Variants in ATP6V0A1 observed in about 807,000 individuals in gnomAD.
ATP6V0A1 encodes the protein V-type proton ATPase 116 kDa subunit a 1.
Under a neutral mutation model 105.4 loss-of-function variants are expected in ATP6V0A1, and 43 were observed. That is an observed-to-expected ratio of 0.41 (90% CI 0.32 to 0.53). ATP6V0A1 has a LOEUF of 0.53. Among genes scored for constraint, ATP6V0A1 ranks in the 20% least tolerant of loss-of-function variants. The pLI is 0.30. For synonymous variants in ATP6V0A1, 362 were observed against 372.8 expected (o/e 0.97, Z 0.33); for missense variants, 676 against 1,051.1 (o/e 0.64, Z 4.93).
intron 8 of ATP6V0A1, 31 bp from the exon 9 acceptor site, chr17:42,483,007 G>A: frequency 7.3e-7 from 1 of 1,376,796 alleles, no homozygotes; most frequent in South Asian, 1.8e-5. Flanking sequence ...AATTAGATAA[G>A]TTAAGAAACT....
intron 9 of ATP6V0A1, among the ~76,000 whole-genome samples, chr17:42,484,352 C>T (rs556484077): frequency 5.9e-5 from 9 of 152,106 alleles, no homozygotes; most frequent in East Asian, 1.9e-4. Flanking sequence ...CCACCGCGCC[C>T]GGCTGATAGT....
intron 2 of ATP6V0A1, among the ~76,000 whole-genome samples, chr17:42,464,745 A>G (rs575414451): frequency 9.2e-5 from 14 of 152,156 alleles, no homozygotes; most frequent in Non-Finnish European, 2.1e-4. Context: ...TATAATATAT[A>G]TACACACATA....
At position 42,462,753 on chromosome 17, in the gene ATP6V0A1, T is replaced by A. The variant is rs565826234; in HGVS notation, c.117+1742T>A. Among the ~76,000 whole-genome samples, 5 of 148,678 alleles carry A rather than the reference T, an allele frequency of 3.4e-5. No individual in the cohort carries two copies. The East Asian group carries it at 9.7e-4, about 29-fold the overall frequency. ...TTTCAGTTTCTTCTAGTTCTGTTAA[T>A]TTTTTTTTAATAATAAAATTTATAA... On this transcript the variant is annotated intron_variant, in intron 2 of 21. Coordinates refer to ENST00000343619, the MANE Select transcript of ATP6V0A1 (RefSeq NM_001130021.3).
rs547280952 is a variant in ATP6V0A1 at position 42,485,471 on chromosome 17, G to A, written c.811-1684G>A. Among the ~76,000 whole-genome samples, 4 of 152,310 alleles carry A rather than the reference G, an allele frequency of 2.6e-5. No homozygotes were observed. In the South Asian group the frequency reaches 8.3e-4, roughly 32 times the overall value. On this transcript the variant is annotated intron_variant, in intron 9 of 21. Transcript: ENST00000343619. ...AGGAATGGGATGAGGAAAGAGAACG[G>A]CAAATAGAACATTGCTTGCTAGTTT... is the stretch of plus-strand genomic sequence containing the variant.
intron 11 of ATP6V0A1, 38 bp downstream of exon 11, chr17:42,490,675 T>G (rs2090537039): frequency 6.4e-7 from 1 of 1,557,386 alleles, no homozygotes; most frequent in Non-Finnish European, 8.6e-7. Flanking sequence ...TCTAGAGTTT[T>G]TTTTGTTTGT....
intron 4 of ATP6V0A1, among the ~76,000 whole-genome samples, chr17:42,469,553 C>T (rs1223710920): frequency 6.6e-6 from 1 of 151,898 alleles, no homozygotes; most frequent in Non-Finnish European, 1.5e-5. Flanking sequence ...CCAGGCTGGT[C>T]TTGAACTCCT....
At chr17:42,473,215 G>A (rs1347330210) in intron 5 of ATP6V0A1, among the ~76,000 whole-genome samples, 2 of 152,206 alleles carry the variant, frequency 1.3e-5, no homozygotes, top group Non-Finnish European at 2.9e-5. Flanking sequence ...CATCACGTTA[G>A]AGGGTGTGGG....
At chr17:42,505,560 G>A (rs898283236) in intron 17 of ATP6V0A1, among the ~76,000 whole-genome samples, 6 of 152,018 alleles carry the variant, frequency 3.9e-5, no homozygotes, top group African/African-American at 7.2e-5. Flanking sequence ...GGCTGGTCTC[G>A]AACTCCTGAC....
chr17:42,478,488 G>C lies in ATP6V0A1; in HGVS notation c.532G>C (p.Glu178Gln), dbSNP rs1447615804. The C allele has an allele frequency of 1.2e-6, 2 of 1,608,936 alleles. No individual in the cohort carries two copies. The highest frequency in any genetic ancestry group is 2.2e-5 in the East Asian group (1 of 44,500). The change falls in exon 7 of 22, where the codon GAG becomes CAG. Residue 178 changes from glutamate to glutamine, a missense_variant. Physicochemically the swap from Glu to Gln is conservative, Grantham distance 29. This residue lies in a region of ATP6V0A1 where 239 missense variants were observed against 388.4 expected (regional missense o/e 0.62). Coordinates refer to ENST00000343619, the MANE Select transcript of ATP6V0A1 (RefSeq NM_001130021.3). ...CTTCGTGGCTGGTGTCATTAACCGG[G>C]AGCGCATCCCTACTTTTGAGCGCAT... ...LGFVAGVINR[E>Q]RIPTFERMLW...
At chr17:42,484,871 A>G in intron 9 of ATP6V0A1, among the ~76,000 whole-genome samples, 1 of 135,112 alleles carries the variant, frequency 7.4e-6, no homozygotes, top group African/African-American at 2.8e-5. Context: ...TTTTTTTGAG[A>G]CAGAGTCTTG....
chr17:42,459,720 C>G (rs1226697131), intron 1 of ATP6V0A1, among the ~76,000 whole-genome samples: 1 of 152,186 alleles, frequency 6.6e-6, no homozygotes, highest in African/African-American at 2.4e-5. Context: ...TGTACAGAAT[C>G]TTAAAGTCAG....
chr17:42,464,965 T>G (rs2086864450), intron 2 of ATP6V0A1, among the ~76,000 whole-genome samples: 1 of 152,044 alleles, frequency 6.6e-6, no homozygotes, highest in Non-Finnish European at 1.5e-5. Context: ...TCTATTAGAT[T>G]GCAAGCTTTT....
chr17:42,503,567 ATCT>A (rs1443025478), intron 17 of ATP6V0A1, among the ~76,000 whole-genome samples: 3 of 152,236 alleles, frequency 2.0e-5, no homozygotes, highest in East Asian at 1.9e-4. Context: ...TTTAAACAAA[ATCT>A]TACAATGCAC....
chr17:42,481,077 A>G (rs961103129), intron 8 of ATP6V0A1: 19 of 172,336 alleles, frequency 1.1e-4, no homozygotes, highest in East Asian at 3.3e-4. Context: ...GTGTGCCACC[A>G]TACCTGGCTA....
rs780479259 is a variant in ATP6V0A1, at chr17:42,507,619, G to A, written c.2104G>A (p.Ala702Thr). ...CCAGCTCTCCACCCACTCAGAGGAC[G>A]CAGACGAGGTAAGATCCCGTGGTGT... Reference protein sequence around the residue: ...HDQLSTHSEDADEPSEDEVFD... With the variant: ...HDQLSTHSEDTDEPSEDEVFD... Residue 702 changes from alanine (A) to threonine (T), a missense_variant, in exon 18 of 22, where the codon GCA becomes ACA. Around this residue, in one of 3 missense-constraint regions of ATP6V0A1, gnomAD observed 435 missense variants for 642.2 expected, o/e 0.68. Transcript: ENST00000343619. The A allele has an allele frequency of 3.7e-5, 60 of 1,613,516 alleles. 1 individual carries two copies. The highest frequency in any genetic ancestry group is 4.0e-5 in the Non-Finnish European group (47 of 1,179,684).
chr17:42,491,870 G>A (rs1310613762), intron 11 of ATP6V0A1, among the ~76,000 whole-genome samples: 2 of 151,496 alleles, frequency 1.3e-5, no homozygotes, highest in South Asian at 2.1e-4. Context: ...ACCCGCCTTG[G>A]CCTCCCAAAG....
rs1171128338 is a variant in ATP6V0A1, at chr17:42,513,893, C to T, written c.2163C>T (p.Ala721=). The T allele has an allele frequency of 7.4e-6, 12 of 1,614,028 alleles. No individual in the cohort carries two copies. Among genetic ancestry groups the T allele is most frequent in the Non-Finnish European group, 1.0e-5 (12 of 1,180,036 alleles). ...FDFGDTMVHQ[A]IHTIEYCLGC... is the part of the protein sequence containing the mutation. ...TTGGGGACACCATGGTCCACCAGGCCATCCACACCATCGAGTACTGCCTGG... is the reference window on the plus strand; with the variant it reads ...TTGGGGACACCATGGTCCACCAGGCTATCCACACCATCGAGTACTGCCTGG... The change falls in exon 20 of 22, where the codon GCC becomes GCT. Residue 721 remains alanine, a synonymous_variant. Transcript: ENST00000343619.
chr17:42,500,810 A>T lies in ATP6V0A1; in HGVS notation c.1783A>T (p.Thr595Ser), dbSNP rs1045182771. ...GGTTATCCTTATTTTTTACAAGTGG[A>T]CGGCCTATGATGCTCATACCTCTGA... ...YLVILIFYKW[T>S]AYDAHTSENA... Residue 595 changes from threonine (T) to serine (S), a missense_variant, in exon 16 of 22, where the codon ACG becomes TCG. This residue lies in a region of ATP6V0A1 where 435 missense variants were observed against 642.2 expected (regional missense o/e 0.68). Coordinates refer to ENST00000343619, the MANE Select transcript of ATP6V0A1 (RefSeq NM_001130021.3). 2 of 1,613,840 alleles carry T rather than the reference A, an allele frequency of 1.2e-6. No homozygotes were observed. Among genetic ancestry groups the T allele is most frequent in the Non-Finnish European group, 1.7e-6 (2 of 1,179,778 alleles).
chr17:42,513,968 C>T lies in ATP6V0A1; in HGVS notation c.2238C>T (p.Leu746=), dbSNP rs766528896. 7.4e-6 allele frequency: 12 copies of T among 1,613,846 alleles called. No individual in the cohort carries two copies. Among genetic ancestry groups the T allele is most frequent in the East Asian group, 2.2e-5 (1 of 44,876 alleles). Residue 746 remains leucine, a synonymous_variant, in exon 20 of 22, where the codon CTC becomes CTT. Transcript: ENST00000343619. The stretch of plus-strand genomic sequence containing the variant: ...ACTTGCGGCTCTGGGCCCTCAGCCT[C>T]GCTCATGCGCGTGAGTACCTCTCTC... ...ASYLRLWALS[L]AHAQLSEVLW... is the part of the protein sequence containing the mutation.
Sources: allele counts gnomAD v4.1 joint callset (sites outside exome capture counted in the v4.1 genomes callset), GRCh38; gene constraint gnomAD v4.1.1; regional missense constraint gnomAD v4.1.1; transcripts MANE v1.5; gene names NCBI Gene and HGNC (gene_info 2026-07-23, HGNC 2026-07-21).